CANX: variants seen among roughly 807,000 people sequenced by gnomAD.
The protein encoded by CANX is calnexin.
In CANX, 14 loss-of-function variants were observed where a neutral mutation model predicts 75.7. The observed-to-expected ratio is 0.19, with a 90% CI of 0.12 to 0.29. The LOEUF (loss-of-function observed/expected upper bound fraction) is 0.29. Ranked by LOEUF, CANX falls within the 10% of genes least tolerant of loss-of-function variation. The pLI, the probability that CANX is intolerant of heterozygous loss-of-function variation, is 1.00. For missense variants in CANX, 567 were observed against 713.2 expected (o/e 0.79, Z 2.34); for synonymous variants, 227 against 236.9 (o/e 0.96, Z 0.38).
chr5:179,730,607 C>T lies in CANX; in HGVS notation c.*1963C>T, dbSNP rs1162894407. The T allele has an allele frequency of 6.6e-6, 1 of 152,108 alleles. No homozygotes were observed. The highest frequency in any genetic ancestry group is 1.5e-5 in the Non-Finnish European group (1 of 68,012). 9.4% of individuals were successfully genotyped at this position (152,108 alleles called of 1,614,324 possible). On this transcript the variant is annotated 3_prime_UTR_variant, in exon 15 of 15. Coordinates refer to ENST00000247461, the MANE Select transcript of CANX (RefSeq NM_001746.4). Reference sequence around the variant, plus strand: ...ATCATTAGAGCTTAAATTGTCAGATCGTTCATTGCCTTTCCAGGGTTATTT... The same window carrying T: ...ATCATTAGAGCTTAAATTGTCAGATTGTTCATTGCCTTTCCAGGGTTATTT...
At chr5:179,720,336 G>A in intron 9 of CANX, 68 bp from the exon 10 acceptor site, 1 of 1,300,944 alleles carries the variant, frequency 7.7e-7, no homozygotes, top group Non-Finnish European at 1.1e-6. Flanking sequence ...GGCAGCCCTG[G>A]GCCAGCCAGC....
intron 4 of CANX, 74 bp downstream of exon 4, chr5:179,707,264 A>G (rs1777196293): frequency 2.3e-6 from 2 of 888,396 alleles, no homozygotes; most frequent in Non-Finnish European, 3.8e-6. Flanking sequence ...ATTTCCTAAG[A>G]CTAGTTTAAA....
At chr5:179,697,688 C>T, upstream of CANX, among the ~76,000 whole-genome samples, 1 of 151,968 alleles carries the variant, frequency 6.6e-6, no homozygotes. Flanking sequence ...AGGTCGATCA[C>T]CTGAGGTCAG....
At chr5:179,711,882 G>C (rs1179350597) in intron 7 of CANX, among the ~76,000 whole-genome samples, 1 of 151,496 alleles carries the variant, frequency 6.6e-6, no homozygotes, top group African/African-American at 2.4e-5. Context: ...CAGATCACTT[G>C]AGGTCAGGTG....
At chr5:179,710,143 C>G (rs1777437872) in intron 7 of CANX, 78 bp downstream of exon 7, 3 of 924,360 alleles carry the variant, frequency 3.2e-6, no homozygotes, top group Non-Finnish European at 4.9e-6. Context: ...GTATATCTGG[C>G]CGGGCACTGT....
intron 11 of CANX, chr5:179,723,388 TAAG>T (rs1778437807): frequency 2.2e-6 from 1 of 446,120 alleles, no homozygotes; most frequent in East Asian, 3.8e-5. Context: ...GATACTGAGA[TAAG>T]AAATTCACTG....
chr5:179,679,305 A>AG, intron 1 of CANX: 1 of 1,450,182 alleles, frequency 6.9e-7, no homozygotes, highest in East Asian at 2.5e-5. Context: ...TGCTTGGTAC[A>AG]GGCCGCCTCT....
At chr5:179,701,546 G>T (rs1581839230) in intron 1 of CANX, among the ~76,000 whole-genome samples, 1 of 151,592 alleles carries the variant, frequency 6.6e-6, no homozygotes, top group Non-Finnish European at 1.5e-5. Context: ...CTCCAGCCTG[G>T]GTGACAGAGT....
In CANX at chr5:179,686,129, C is replaced by T. The variant is rs1180987079; in HGVS notation, c.-4+7352C>T. On this transcript the variant is annotated intron_variant, in intron 1 of 14. Transcript: ENST00000681674. ...TTTTTTTTTTTTTGAGACGGAGTCT[C>T]GCTCTGTCACCAGGCTGGAGTGCAA... 1.2e-4 allele frequency among the ~76,000 whole-genome samples: 11 copies of T among 93,848 alleles called. No individual in the cohort carries two copies. The Admixed American group carries it at 1.4e-3, about 12-fold the overall frequency. 61.6% of individuals were successfully genotyped at this position (93,848 alleles called of 152,430 possible). A position where few individuals can be genotyped will look rare whatever the true frequency, so the allele number is the denominator to read the frequency against.
At chr5:179,698,655 C>T, upstream of CANX, 2 of 1,190,500 alleles carry the variant, frequency 1.7e-6, no homozygotes, top group Non-Finnish European at 2.2e-6. Flanking sequence ...CCACAGCAAC[C>T]GACGCGGGAA....
chr5:179,701,497 A>G (rs1247858727), intron 1 of CANX, among the ~76,000 whole-genome samples: 1 of 151,618 alleles, frequency 6.6e-6, no homozygotes. Context: ...CTAAACCTGG[A>G]AGGCGGAGGT....
intron 1 of CANX, among the ~76,000 whole-genome samples, chr5:179,691,528 G>C (rs1776298245): frequency 6.6e-6 from 1 of 151,754 alleles, no homozygotes; most frequent in Admixed American, 6.6e-5. Flanking sequence ...GGCAACACAG[G>C]GAGATCCCAT....
At chr5:179,719,910 C>T in intron 9 of CANX, 129 bp downstream of exon 9, 2 of 609,228 alleles carry the variant, frequency 3.3e-6, no homozygotes, top group Non-Finnish European at 5.9e-6. Context: ...CAACTTTCAC[C>T]TCCTGGGTTC....
intron 1 of CANX, among the ~76,000 whole-genome samples, chr5:179,687,830 T>A (rs1268115121): frequency 6.6e-6 from 1 of 151,856 alleles, no homozygotes. Context: ...GGGCAGGAGT[T>A]TGAGATGAGC....
upstream of CANX, among the ~76,000 whole-genome samples, chr5:179,697,998 G>A (rs2113069744): frequency 1.3e-5 from 2 of 152,268 alleles, no homozygotes; most frequent in Middle Eastern, 6.8e-3. Flanking sequence ...GGGCTTTTCA[G>A]ATCAGTGATA....
chr5:179,701,392 G>A (rs1349314658), intron 1 of CANX, among the ~76,000 whole-genome samples: 1 of 151,758 alleles, frequency 6.6e-6, no homozygotes, highest in Admixed American at 6.6e-5. Flanking sequence ...GCCAGGAGTT[G>A]GTAACCAGCC....
At chr5:179,710,095 T>C (rs985185680) in intron 7 of CANX, 30 bp downstream of exon 7, 1 of 1,276,156 alleles carries the variant, frequency 7.8e-7, no homozygotes, top group South Asian at 1.3e-5. Flanking sequence ...TGGGGGCTTA[T>C]GGTATTACAT....
chr5:179,719,225 C>T (rs565317494), intron 8 of CANX, among the ~76,000 whole-genome samples: 1 of 152,346 alleles, frequency 6.6e-6, no homozygotes, highest in Non-Finnish European at 1.5e-5. Context: ...TACTTTCCCA[C>T]CAGCAGTGTA....
intron 1 of CANX, among the ~76,000 whole-genome samples, chr5:179,683,612 C>T (rs992241003): frequency 7.2e-5 from 11 of 151,962 alleles, no homozygotes; most frequent in African/African-American, 2.7e-4. Flanking sequence ...TAGCTCACTG[C>T]AACCTCTGCC....
Sources: allele counts gnomAD v4.1 joint callset (sites outside exome capture counted in the v4.1 genomes callset), GRCh38; gene constraint gnomAD v4.1.1; transcripts MANE v1.5; gene names NCBI Gene and HGNC (gene_info 2026-07-23, HGNC 2026-07-21).